CCSER1: variants seen among roughly 807,000 people sequenced by gnomAD.
CCSER1 encodes the protein serine-rich coiled-coil domain-containing protein 1.
CCSER1 carries 41 observed loss-of-function variants against 82.0 expected under a neutral mutation model. The ratio of observed to expected loss-of-function variants is 0.50; its 90% CI spans 0.39 to 0.65. The LOEUF is 0.65. Among genes scored for constraint, CCSER1 ranks in the 30% least tolerant of loss-of-function variants. CCSER1 has a pLI of 0.00. For missense variants in CCSER1, 1,119 were observed against 1,064.2 expected, an observed-to-expected ratio of 1.05 and a Z score of -0.72; for synonymous variants, 414 against 383.9, an observed-to-expected ratio of 1.08 and a Z score of -0.92.
At chr4:90,516,698 G>A (rs368189815) in intron 5 of CCSER1, among the ~76,000 whole-genome samples, 76 of 152,280 alleles carry the variant, frequency 5.0e-4, no homozygotes, top group African/African-American at 1.6e-3. Flanking sequence ...TCAGTCTCCC[G>A]GGACGGAGTG....
intron 9 of CCSER1, among the ~76,000 whole-genome samples, chr4:90,974,195 CAGT>C (rs916274916): frequency 2.0e-5 from 3 of 151,432 alleles, no homozygotes; most frequent in African/African-American, 7.3e-5. Context: ...TATTTGCTAA[CAGT>C]AGATTTTAAG....
intron 10 of CCSER1, among the ~76,000 whole-genome samples, chr4:91,288,057 T>A (rs2178223): frequency 7.9e-6 from 1 of 126,330 alleles, no homozygotes; most frequent in Non-Finnish European, 1.7e-5. Flanking sequence ...TTGAGTTTAT[T>A]TAGGATATAT....
intron 1 of CCSER1, among the ~76,000 whole-genome samples, chr4:90,280,156 T>A (rs973727059): frequency 1.3e-5 from 2 of 152,104 alleles, no homozygotes; most frequent in African/African-American, 4.8e-5. Context: ...AACAAACTAA[T>A]GAATCTGATT....
rs1164709257 is a variant in CCSER1, at chr4:90,400,204, T to C, written c.1603+75T>C. ...TAGCTTTCACTGATAGCCTAAACAC[T>C]GTTAAGGCTGCCTTCTATCTTTTCA... On this transcript the variant is annotated intron_variant, in intron 4 of 10. Transcript: ENST00000509176. 1.6e-5 allele frequency: 11 copies of C among 670,938 alleles called. No homozygotes were observed. In the East Asian group the frequency reaches 2.8e-4, roughly 17 times the overall value. The allele number at this position is 670,938 out of a possible 1,614,324, so 41.6% of individuals were successfully genotyped here.
chr4:90,575,022 A>C (rs28491231), intron 5 of CCSER1, among the ~76,000 whole-genome samples: 2,341 of 152,134 alleles, frequency 0.015, 54 homozygotes, highest in African/African-American at 0.053. Context: ...ACTGCCTTTA[A>C]GTTTTTGTCT....
intron 9 of CCSER1, among the ~76,000 whole-genome samples, chr4:90,956,173 C>T (rs1733415639): frequency 6.6e-6 from 1 of 151,940 alleles, no homozygotes; most frequent in African/African-American, 2.4e-5. Context: ...TGCCAAGTGC[C>T]TTAGAACTTT....
At chr4:90,144,979 A>G (rs985050910) in intron 1 of CCSER1, among the ~76,000 whole-genome samples, 2 of 152,096 alleles carry the variant, frequency 1.3e-5, no homozygotes, top group African/African-American at 4.8e-5. Context: ...TTTTACGACC[A>G]TTATTTTCGT....
At chr4:91,080,715 TA>T (rs1259781904) in intron 9 of CCSER1, among the ~76,000 whole-genome samples, 1 of 151,844 alleles carries the variant, frequency 6.6e-6, no homozygotes, top group Non-Finnish European at 1.5e-5. Flanking sequence ...ATAGATACAA[TA>T]AAAAATGATA....
intron 8 of CCSER1, among the ~76,000 whole-genome samples, chr4:90,888,339 C>T (rs1217364059): frequency 6.6e-6 from 1 of 152,058 alleles, no homozygotes. Context: ...TTATTCTACT[C>T]TTTATGCTTT....
intron 9 of CCSER1, among the ~76,000 whole-genome samples, chr4:91,016,004 AT>A (rs1286009699): frequency 1.3e-5 from 2 of 152,024 alleles, no homozygotes; most frequent in African/African-American, 4.8e-5. Context: ...GCTCATGTTC[AT>A]TCGTCTGAAT....
chr4:90,986,547 T>C (rs140660583), intron 9 of CCSER1, among the ~76,000 whole-genome samples: 2 of 151,838 alleles, frequency 1.3e-5, no homozygotes, highest in African/African-American at 4.8e-5. Flanking sequence ...TCAAAGAAGC[T>C]GGCCAAGCCA....
chr4:91,325,390 T>A (rs1528572), intron 10 of CCSER1: 207,746 of 283,696 alleles, frequency 0.73, 77,121 homozygotes, highest in African/African-American at 0.88. Flanking sequence ...CATCTATAGA[T>A]GAAAGGGAGC....
At chr4:90,989,673 G>T (rs2150443147) in intron 9 of CCSER1, among the ~76,000 whole-genome samples, 2 of 151,892 alleles carry the variant, frequency 1.3e-5, no homozygotes, top group East Asian at 3.9e-4. Flanking sequence ...AGATGCATAA[G>T]ACTAAAAATG....
At chr4:91,384,003 T>A (rs1408765030) in intron 10 of CCSER1, among the ~76,000 whole-genome samples, 2 of 152,180 alleles carry the variant, frequency 1.3e-5, no homozygotes, top group Non-Finnish European at 2.9e-5. Flanking sequence ...CTGCAGTTTT[T>A]GTTAAAGAAT....
intron 10 of CCSER1, among the ~76,000 whole-genome samples, chr4:91,595,958 A>C (rs1031873301): frequency 1.2e-4 from 18 of 151,384 alleles, no homozygotes; most frequent in Admixed American, 2.0e-4. Flanking sequence ...AAAAAAAAAA[A>C]AAAAAAAAAC....
chr4:90,905,261 C>A (rs1202361152), intron 8 of CCSER1, among the ~76,000 whole-genome samples: 2 of 151,978 alleles, frequency 1.3e-5, no homozygotes, highest in Non-Finnish European at 2.9e-5. Flanking sequence ...GCTAGAAACA[C>A]TTCTATGATT....
At chr4:90,246,242 G>A (rs889795492) in intron 1 of CCSER1, among the ~76,000 whole-genome samples, 3 of 151,994 alleles carry the variant, frequency 2.0e-5, no homozygotes, top group African/African-American at 7.2e-5. Context: ...TTACACATGA[G>A]GTAATTAAGG....
At chr4:90,233,376 A>G (rs1307770688) in intron 1 of CCSER1, among the ~76,000 whole-genome samples, 3 of 152,136 alleles carry the variant, frequency 2.0e-5, no homozygotes, top group Non-Finnish European at 4.4e-5. Context: ...CACAAGAACA[A>G]AAAACCCAAC....
At chr4:91,047,769 T>A (rs998541974) in intron 9 of CCSER1, among the ~76,000 whole-genome samples, 1 of 152,126 alleles carries the variant, frequency 6.6e-6, no homozygotes, top group African/African-American at 2.4e-5. Flanking sequence ...GTGAAAGAGG[T>A]ATTTAGGCAT....
Sources: allele counts gnomAD v4.1 joint callset (sites outside exome capture counted in the v4.1 genomes callset), GRCh38; gene constraint gnomAD v4.1.1; transcripts MANE v1.5; gene names NCBI Gene and HGNC (gene_info 2026-07-23, HGNC 2026-07-21).